NAV2: variants seen among roughly 807,000 people sequenced by gnomAD.
NAV2 encodes helicase, APC down-regulated 1.
In NAV2, 54 loss-of-function variants were observed where a neutral mutation model predicts 223.2. That is an observed-to-expected ratio of 0.24 (90% CI 0.19 to 0.30). The LOEUF is 0.30. NAV2 is among the 10% of genes least tolerant of loss of function. The probability of loss-of-function intolerance (pLI) is 1.00; values close to 1 mark genes in which losing one functional copy is unlikely to be tolerated. For synonymous variants in NAV2, 1,279 were observed against 1,239.3 expected (o/e 1.03, Z -0.67); for missense variants, 2,806 against 3,147.5 (o/e 0.89, Z 2.60).
intron 1 of NAV2, among the ~76,000 whole-genome samples, chr11:19,547,455 C>T (rs1395560558): frequency 2.0e-5 from 3 of 152,176 alleles, no homozygotes; most frequent in East Asian, 3.9e-4. Flanking sequence ...TGATTTTTTC[C>T]CTTTCTTCCC....
chr11:19,404,346 G>A (rs1849806375), intron 1 of NAV2, among the ~76,000 whole-genome samples: 1 of 152,194 alleles, frequency 6.6e-6, no homozygotes, highest in African/African-American at 2.4e-5. Flanking sequence ...ACTTGGCAAG[G>A]GAGCAGAGCT....
At chr11:19,464,091 C>T (rs1038319280) in intron 1 of NAV2, among the ~76,000 whole-genome samples, 3 of 152,180 alleles carry the variant, frequency 2.0e-5, no homozygotes, top group Non-Finnish European at 4.4e-5. Context: ...CTATTTCATA[C>T]GGTAGTAATC....
In NAV2 at chr11:19,585,846, C is replaced by A. The variant is rs1218874633; in HGVS notation, c.75+234819C>A. 5.9e-5 allele frequency among the ~76,000 whole-genome samples: 9 copies of A among 152,288 alleles called. No homozygotes were observed. The East Asian group carries it at 1.7e-3, about 29-fold the overall frequency. ...TTCATTTCAACTTTGGTGAACCTGA[C>A]AATTATGTGTCTTGGGGTTGTTCTT... On this transcript the variant is annotated intron_variant, in intron 1 of 37. Transcript: ENST00000360655.
At chr11:20,052,812 A>G (rs1024882253) in intron 17 of NAV2, among the ~76,000 whole-genome samples, 1 of 152,192 alleles carries the variant, frequency 6.6e-6, no homozygotes, top group South Asian at 2.1e-4. Flanking sequence ...TCCAGTACGA[A>G]CACACTGACA....
chr11:19,428,888 A>G (rs1850937828), intron 1 of NAV2, among the ~76,000 whole-genome samples: 1 of 152,214 alleles, frequency 6.6e-6, no homozygotes, highest in Non-Finnish European at 1.5e-5. Context: ...GTTGCCTAAG[A>G]ACCTTGACGT....
intron 1 of NAV2, among the ~76,000 whole-genome samples, chr11:19,370,058 A>G (rs1293321956): frequency 1.3e-5 from 2 of 152,136 alleles, no homozygotes; most frequent in Non-Finnish European, 2.9e-5. Context: ...CAGCCTTTCA[A>G]TTGCCTCCAA....
intron 3 of NAV2, among the ~76,000 whole-genome samples, chr11:19,866,024 G>A (rs1457768882): frequency 6.6e-6 from 1 of 152,178 alleles, no homozygotes; most frequent in Non-Finnish European, 1.5e-5. Flanking sequence ...TGTAATCTTG[G>A]TCAAAAATCT....
At chr11:19,952,367 T>C (rs4757864) in intron 10 of NAV2, among the ~76,000 whole-genome samples, 87,936 of 152,126 alleles carry the variant, frequency 0.58, 26,950 homozygotes, top group East Asian at 0.73. Context: ...ACAATTAATA[T>C]GGTTTTTAAA....
intron 37 of NAV2, among the ~76,000 whole-genome samples, chr11:20,115,082 C>T (rs927281604): frequency 1.3e-5 from 2 of 152,254 alleles, no homozygotes; most frequent in Admixed American, 1.3e-4. Flanking sequence ...ACTTTGCCCT[C>T]TGATTTGGGA....
intron 6 of NAV2, among the ~76,000 whole-genome samples, chr11:19,912,590 A>G (rs2043406570): frequency 6.6e-6 from 1 of 152,128 alleles, no homozygotes; most frequent in African/African-American, 2.4e-5. Context: ...CATGTCGAAT[A>G]CTCATTGTCA....
At chr11:19,950,441 G>A (rs1166947243) in intron 10 of NAV2, among the ~76,000 whole-genome samples, 5 of 152,194 alleles carry the variant, frequency 3.3e-5, no homozygotes, top group African/African-American at 1.2e-4. Flanking sequence ...CAGCTATTAG[G>A]GACAGAGCGT....
chr11:19,548,876 C>CA (rs10709105), intron 1 of NAV2, among the ~76,000 whole-genome samples: 2,876 of 78,494 alleles, frequency 0.037, 201 homozygotes, highest in African/African-American at 0.12. Context: ...GGCTCCGTCT[C>CA]AAAAAAAAAA....
chr11:20,103,410 G>T lies in NAV2; in HGVS notation c.6572+1G>T. On this transcript the variant is annotated splice_donor_variant, in intron 33 of 37. Coordinates refer to ENST00000349880, the MANE Select transcript of NAV2 (RefSeq NM_145117.5). LOFTEE classifies it high-confidence loss of function. The stretch of plus-strand genomic sequence containing the variant: ...TGCTCAACTGCAAGTACCACAAATG[G>T]TAAAGGCTGGTTCTGGACCTCATAG... 6.2e-7 allele frequency: 1 copy of T among 1,612,764 alleles called. No homozygotes were observed.
intron 1 of NAV2, among the ~76,000 whole-genome samples, chr11:19,760,803 G>A (rs899918987): frequency 1.3e-5 from 2 of 152,068 alleles, no homozygotes; most frequent in South Asian, 4.1e-4. Flanking sequence ...GAGCTCTATA[G>A]GGAAAAGTAG....
intron 1 of NAV2, among the ~76,000 whole-genome samples, chr11:19,512,686 C>T (rs763805981): frequency 9.2e-5 from 14 of 152,202 alleles, no homozygotes; most frequent in Non-Finnish European, 1.6e-4. Flanking sequence ...TCACCCTTTG[C>T]CAGGAGAAAA....
At chr11:19,913,053 A>T (rs1454829223) in intron 6 of NAV2, among the ~76,000 whole-genome samples, 1 of 152,196 alleles carries the variant, frequency 6.6e-6, no homozygotes, top group Admixed American at 6.5e-5. Flanking sequence ...CTCCTCCAGG[A>T]TTACAGCTGG....
chr11:19,912,049 T>A (rs548029485), intron 6 of NAV2, among the ~76,000 whole-genome samples: 1 of 152,340 alleles, frequency 6.6e-6, no homozygotes, highest in South Asian at 2.1e-4. Context: ...CATCATTGAA[T>A]TTCTACTAGG....
chr11:19,897,189 C>T (rs2042055508), intron 6 of NAV2, among the ~76,000 whole-genome samples: 1 of 151,796 alleles, frequency 6.6e-6, no homozygotes, highest in South Asian at 2.1e-4. Context: ...ACAATGAGAA[C>T]ACATGAACAC....
At chr11:19,727,178 C>T (rs978654754) in intron 1 of NAV2, among the ~76,000 whole-genome samples, 9 of 152,178 alleles carry the variant, frequency 5.9e-5, no homozygotes, top group Non-Finnish European at 1.2e-4. Context: ...ACCCAGTCTT[C>T]AACCTGGGAG....
Sources: gnomAD v4.1 joint callset for allele counts (sites outside exome capture counted in the v4.1 genomes callset) on GRCh38, gnomAD v4.1.1 for gene constraint, MANE v1.5 for transcripts, NCBI Gene and HGNC (gene_info 2026-07-23, HGNC 2026-07-21) for gene names.